Variants in AOAH observed in about 807,000 individuals in gnomAD.
AOAH encodes acyloxyacyl hydrolase (neutrophil).
In AOAH, 64 loss-of-function variants were observed where a neutral mutation model predicts 92.2. The ratio of observed to expected loss-of-function variants is 0.69; its 90% CI spans 0.57 to 0.86. The LOEUF is 0.86. Ranked by LOEUF, AOAH falls within the 40% of genes least tolerant of loss-of-function variation. The pLI, the probability that AOAH is intolerant of heterozygous loss-of-function variation, is 0.00. For missense variants in AOAH, 656 were observed against 694.6 expected (o/e 0.94, Z 0.62); for synonymous variants, 263 against 254.5 (o/e 1.03, Z -0.32).
In AOAH at chr7:36,688,786, A is replaced by AGT. The variant is rs1223276660; in HGVS notation, c.128-1994_128-1993dup. 4.9e-3 allele frequency among the ~76,000 whole-genome samples: 746 copies of AGT among 152,040 alleles called. 5 individuals carry two copies. Among genetic ancestry groups the AGT allele is most frequent in the African/African-American group, 0.017 (718 of 41,424 alleles). On this transcript the variant is annotated intron_variant, in intron 1 of 20. Coordinates refer to ENST00000617537, the MANE Select transcript of AOAH (RefSeq NM_001637.4). ...TGGAGAATAAAGGCAAGAGACTTTG[A>AGT]GTATATATATATACACACACACACA...
At position 36,516,488 on chromosome 7, in the gene AOAH, G is replaced by C. The variant is rs1188376750; in HGVS notation, c.1600-3108C>G. The stretch of plus-strand genomic sequence containing the variant: ...CGGATACCACACACACACACACACA[G>C]AAAGCGCACACAGCATTCACACCCC... On this transcript the variant is annotated intron_variant, in intron 20 of 20. Transcript: ENST00000617537. The surrounding 1 kb of genome is among the most constrained non-coding windows in gnomAD (Gnocchi z 5.0). Among the ~76,000 whole-genome samples the C allele has an allele frequency of 1.6e-4, 22 of 139,318 alleles. No individual in the cohort carries two copies. The highest frequency in any genetic ancestry group is 7.3e-4 in the South Asian group (3 of 4,114). 91.4% of individuals were successfully genotyped at this position (139,318 alleles called of 152,430 possible).
intron 13 of AOAH, among the ~76,000 whole-genome samples, chr7:36,559,410 T>C (rs1787093371): frequency 6.6e-6 from 1 of 152,214 alleles, no homozygotes. Context: ...TCAGCATCTG[T>C]TGTTTTCTGA....
At chr7:36,641,237 A>G (rs762667445) in intron 4 of AOAH, among the ~76,000 whole-genome samples, 5 of 152,180 alleles carry the variant, frequency 3.3e-5, no homozygotes, top group African/African-American at 1.2e-4. Flanking sequence ...TCTTGTTTAC[A>G]GTGTGCCAGA....
At chr7:36,685,488 A>G (rs113840744) in intron 2 of AOAH, among the ~76,000 whole-genome samples, 5,523 of 152,308 alleles carry the variant, frequency 0.036, 126 homozygotes, top group Non-Finnish European at 0.053. Context: ...GGATGAAGCT[A>G]TACATTTGCT....
chr7:36,717,949 TAG>T (rs1230315770), intron 1 of AOAH, among the ~76,000 whole-genome samples: 4 of 151,768 alleles, frequency 2.6e-5, no homozygotes, highest in Admixed American at 6.6e-5. Flanking sequence ...AAGAAAAAAA[TAG>T]ATACACTGGA....
At chr7:36,540,245 G>T (rs950184549) in intron 16 of AOAH, 74 bp downstream of exon 16, 3 of 1,368,808 alleles carry the variant, frequency 2.2e-6, no homozygotes, top group Non-Finnish European at 3.0e-6. Flanking sequence ...TTTCTATATG[G>T]TTTGAACCAT....
intron 1 of AOAH, among the ~76,000 whole-genome samples, chr7:36,719,908 C>T (rs1799508986): frequency 6.6e-6 from 1 of 151,042 alleles, no homozygotes; most frequent in Non-Finnish European, 1.5e-5. Flanking sequence ...TGCACTGTAG[C>T]CTGGGTGATA....
intron 1 of AOAH, among the ~76,000 whole-genome samples, chr7:36,702,239 T>C (rs899036312): frequency 4.6e-5 from 7 of 152,238 alleles, no homozygotes; most frequent in Non-Finnish European, 8.8e-5. Flanking sequence ...TTTATCTACA[T>C]ATTTACATTC....
intron 16 of AOAH, among the ~76,000 whole-genome samples, chr7:36,536,126 C>T (rs971162364): frequency 5.3e-5 from 8 of 152,106 alleles, no homozygotes; most frequent in African/African-American, 1.9e-4. Flanking sequence ...TTGTTCTGGG[C>T]CTCTGAGTGT....
Position 36,532,224 on chromosome 7 carries a change from C to T in AOAH, c.1366-18G>A. On this transcript the variant is annotated intron_variant, in intron 17 of 20. Coordinates refer to ENST00000617537, the MANE Select transcript of AOAH (RefSeq NM_001637.4). ...GGGCTGACCTGAGAGCGGGAAAACA[C>T]TTTTGATTACAGAGGATCAGGGTAG... 2 of 1,614,188 alleles carry T rather than the reference C, an allele frequency of 1.2e-6. No individual in the cohort carries two copies. The highest frequency in any genetic ancestry group is 1.1e-5 in the South Asian group (1 of 91,090).
chr7:36,572,313 A>G lies in AOAH; in HGVS notation c.1021+4261T>C, dbSNP rs2116597450. Among the ~76,000 whole-genome samples, 3 of 152,234 alleles carry G rather than the reference A, an allele frequency of 2.0e-5. 1 individual carries two copies. In the Middle Eastern group the frequency reaches 0.01, roughly 518 times the overall value. On this transcript the variant is annotated intron_variant, in intron 13 of 20. Transcript: ENST00000617537. The stretch of plus-strand genomic sequence containing the variant: ...CAAGAATTCAAGACCAGCTTTGACA[A>G]CATAGCAAGGTCCCTGTTTCTACCA...
chr7:36,618,391 T>C, intron 9 of AOAH, 46 bp from the exon 10 acceptor site: 1 of 1,565,064 alleles, frequency 6.4e-7, no homozygotes, highest in Non-Finnish European at 8.8e-7. Flanking sequence ...TTTAAATTTA[T>C]GAGATACATA....
intron 15 of AOAH, among the ~76,000 whole-genome samples, chr7:36,545,962 C>T (rs1178425139): frequency 1.3e-5 from 2 of 152,200 alleles, no homozygotes; most frequent in African/African-American, 4.8e-5. Flanking sequence ...GTTTCTCCTT[C>T]CATATCATTC....
At chr7:36,645,327 G>T (rs758681649) in intron 4 of AOAH, among the ~76,000 whole-genome samples, 2 of 152,088 alleles carry the variant, frequency 1.3e-5, no homozygotes, top group Non-Finnish European at 2.9e-5. Flanking sequence ...GAGGTCCCTC[G>T]CCAGAACCTG....
intron 6 of AOAH, among the ~76,000 whole-genome samples, chr7:36,625,467 C>T (rs1420043422): frequency 2.6e-5 from 4 of 152,140 alleles, no homozygotes; most frequent in Non-Finnish European, 5.9e-5. Flanking sequence ...ATGAAAAGCC[C>T]CCAGTATTGG....
chr7:36,536,145 G>A lies in AOAH; in HGVS notation c.1307-3801C>T, dbSNP rs375371697. ...TCTGGGCCTCTGAGTGTCCTGCTGC[G>A]TGGGTGCTGTGGCATCTAACCCTGC... On this transcript the variant is annotated intron_variant, in intron 16 of 20. Transcript: ENST00000617537. Among the ~76,000 whole-genome samples the A allele has an allele frequency of 5.3e-5, 8 of 152,286 alleles. 1 individual carries two copies. In the South Asian group the frequency reaches 6.2e-4, roughly 12 times the overall value.
chr7:36,660,326 GT>G (rs1795142209), intron 3 of AOAH, among the ~76,000 whole-genome samples: 1 of 151,558 alleles, frequency 6.6e-6, no homozygotes, highest in Admixed American at 6.6e-5. Flanking sequence ...GTTTGTTTTT[GT>G]TTTTTTGACG....
intron 1 of AOAH, among the ~76,000 whole-genome samples, chr7:36,714,016 C>CA (rs1170109853): frequency 6.6e-6 from 1 of 151,946 alleles, no homozygotes; most frequent in African/African-American, 2.4e-5. Flanking sequence ...AAAAACCCTT[C>CA]AAAAAATCAA....
chr7:36,610,455 A>T (rs1791374209), intron 11 of AOAH, among the ~76,000 whole-genome samples: 2 of 150,468 alleles, frequency 1.3e-5, no homozygotes, highest in South Asian at 4.2e-4. Context: ...TGGTGGGGTT[A>T]TTTTTTACTT....
Sources: allele counts gnomAD v4.1 joint callset (sites outside exome capture counted in the v4.1 genomes callset), GRCh38; gene constraint gnomAD v4.1.1; non-coding constraint Gnocchi (gnomAD v3.1); transcripts MANE v1.5; gene names NCBI Gene and HGNC (gene_info 2026-07-23, HGNC 2026-07-21).